TTC6: variants seen among roughly 807,000 people sequenced by gnomAD.
The protein encoded by TTC6 is tetratricopeptide repeat domain 6, also known as tetratricopeptide repeat protein 6.
In TTC6, 172 loss-of-function variants were observed where a neutral mutation model predicts 210.4. That is an observed-to-expected ratio of 0.82 (90% CI 0.72 to 0.93). The LOEUF (loss-of-function observed/expected upper bound fraction) is 0.93. TTC6 is among the 40% of genes least tolerant of loss of function. TTC6 has a pLI of 0.00. For missense variants in TTC6, 2,414 were observed against 2,318.1 expected (o/e 1.04, Z -0.85); for synonymous variants, 804 against 819.6 (o/e 0.98, Z 0.32).
intron 1 of TTC6, among the ~76,000 whole-genome samples, chr14:37,599,551 G>T (rs2095611359): frequency 1.3e-5 from 2 of 152,120 alleles, no homozygotes; most frequent in African/African-American, 4.8e-5. Flanking sequence ...CCTGAGCGCC[G>T]CCGGGTTTCT....
At chr14:37,749,836 T>G in exon 12 of TTC6, 6 of 1,392,522 alleles carry the variant, frequency 4.3e-6, no homozygotes, top group Non-Finnish European at 5.6e-6. Flanking sequence ...ATAATAAAAA[T>G]AATACAGGTG....
At chr14:37,839,477 A>AT (rs1353545744) in intron 29 of TTC6, among the ~76,000 whole-genome samples, 3 of 152,044 alleles carry the variant, frequency 2.0e-5, no homozygotes, top group African/African-American at 7.2e-5. Flanking sequence ...TCCTTCACCC[A>AT]TTTTTTGATG....
intron 1 of TTC6, among the ~76,000 whole-genome samples, chr14:37,633,795 C>A (rs2095674807): frequency 6.6e-6 from 1 of 152,144 alleles, no homozygotes; most frequent in African/African-American, 2.4e-5. Flanking sequence ...CACTCCTATT[C>A]TTTCCAACTA....
At chr14:37,625,547 TA>T (rs34756083) in intron 1 of TTC6, among the ~76,000 whole-genome samples, 28,847 of 136,256 alleles carry the variant, frequency 0.21, 2,954 homozygotes, top group South Asian at 0.27. Context: ...AGACTTCGTC[TA>T]AAAAAAAAAA....
At chr14:37,668,267 C>T (rs930986305) in intron 1 of TTC6, among the ~76,000 whole-genome samples, 1 of 150,264 alleles carries the variant, frequency 6.7e-6, no homozygotes, top group Non-Finnish European at 1.5e-5. Context: ...CTAATCTATT[C>T]ACCAGTTGTA....
At chr14:37,837,451 C>T (rs1410253555) in intron 29 of TTC6, 1 of 453,822 alleles carries the variant, frequency 2.2e-6, no homozygotes, top group East Asian at 7.1e-5. Context: ...GTCCCCCCTC[C>T]CCCCAACCTG....
chr14:37,651,867 A>G (rs2095713727), intron 1 of TTC6, among the ~76,000 whole-genome samples: 1 of 152,180 alleles, frequency 6.6e-6, no homozygotes, highest in South Asian at 2.1e-4. Context: ...CTAGAGGGAG[A>G]TGAAGCTGGA....
At chr14:37,767,065 T>G (rs2096001690) in intron 14 of TTC6, among the ~76,000 whole-genome samples, 1 of 152,210 alleles carries the variant, frequency 6.6e-6, no homozygotes, top group Non-Finnish European at 1.5e-5. Context: ...TTTTTTGTTC[T>G]CATGATAGTT....
At chr14:37,668,262 C>CTAT (rs1228708993) in intron 1 of TTC6, among the ~76,000 whole-genome samples, 1 of 150,444 alleles carries the variant, frequency 6.6e-6, no homozygotes, top group Non-Finnish European at 1.5e-5. Context: ...TCCTTCTAAT[C>CTAT]TATTCACCAG....
At chr14:37,637,329 A>AT (rs775718830) in intron 1 of TTC6, among the ~76,000 whole-genome samples, 1 of 152,200 alleles carries the variant, frequency 6.6e-6, no homozygotes, top group Non-Finnish European at 1.5e-5. Context: ...CCCAAATTAA[A>AT]TTTTTTTGTT....
chr14:37,689,340 C>A (rs867774761), intron 3 of TTC6, among the ~76,000 whole-genome samples: 1 of 151,796 alleles, frequency 6.6e-6, no homozygotes, highest in African/African-American at 2.4e-5. Context: ...CTCAAAAGGG[C>A]AAATCTAAGT....
At position 37,838,330 on chromosome 14, in the gene TTC6, G is replaced by A. The variant is rs184099350; in HGVS notation, c.5299-3115G>A. 1.3e-3 allele frequency among the ~76,000 whole-genome samples: 198 copies of A among 152,252 alleles called. 1 individual carries two copies. Among genetic ancestry groups the A allele is most frequent in the Middle Eastern group, 0.01 (3 of 294 alleles). ...TGCTAGAAATGTGATCAAGTGCTGG[G>A]ATGTCATAGCCATGTCAAAATGCTA... On this transcript the variant is annotated intron_variant, in intron 29 of 30. Coordinates refer to ENST00000553443, the Ensembl canonical transcript of TTC6.
intron 7 of TTC6, among the ~76,000 whole-genome samples, chr14:37,732,394 A>G (rs4294721): frequency 0.92 from 139,774 of 151,440 alleles, 64,575 homozygotes; most frequent in East Asian, 1. Flanking sequence ...CGTGTTAGCC[A>G]GGATGGTGTC....
At chr14:37,751,999 G>T (rs1403379747) in intron 13 of TTC6, among the ~76,000 whole-genome samples, 1 of 151,674 alleles carries the variant, frequency 6.6e-6, no homozygotes, top group African/African-American at 2.4e-5. Context: ...AATTTTTTTT[G>T]TATTTTTAGT....
At chr14:37,767,299 C>T (rs367737590) in intron 14 of TTC6, among the ~76,000 whole-genome samples, 1 of 152,124 alleles carries the variant, frequency 6.6e-6, no homozygotes, top group Non-Finnish European at 1.5e-5. Flanking sequence ...ATTTATAGTC[C>T]TTTGGGTATA....
At chr14:37,757,844 A>G (rs2095972653) in intron 14 of TTC6, among the ~76,000 whole-genome samples, 1 of 151,348 alleles carries the variant, frequency 6.6e-6, no homozygotes, top group East Asian at 1.9e-4. Flanking sequence ...TTCCCTCTTA[A>G]CTTTAGCTGT....
chr14:37,619,706 GTTCTAA>G (rs1239611329), upstream of TTC6, among the ~76,000 whole-genome samples: 1 of 151,406 alleles, frequency 6.6e-6, no homozygotes, highest in African/African-American at 2.4e-5. Context: ...CAGTTTTTCA[GTTCTAA>G]TTCTTTTATC....
At chr14:37,713,476 G>A (rs1429100619) in intron 5 of TTC6, among the ~76,000 whole-genome samples, 1 of 152,144 alleles carries the variant, frequency 6.6e-6, no homozygotes, top group East Asian at 1.9e-4. Context: ...GGCCTCAAGT[G>A]ATCTGCCTGC....
intron 26 of TTC6, 44 bp from the exon 29 acceptor site, chr14:37,823,703 G>A (rs1223712005): frequency 2.0e-6 from 3 of 1,514,906 alleles, no homozygotes; most frequent in Non-Finnish European, 1.8e-6. Context: ...TCACCAGAAT[G>A]CATCAGTTCA....
Sources: gnomAD v4.1 joint callset for allele counts (sites outside exome capture counted in the v4.1 genomes callset) on GRCh38, gnomAD v4.1.1 for gene constraint, MANE v1.5 for transcripts, NCBI Gene and HGNC (gene_info 2026-07-23, HGNC 2026-07-21) for gene names.